MIB2: variants seen among roughly 807,000 people sequenced by gnomAD.
MIB2 encodes the protein MIB E3 ubiquitin protein ligase 2.
Under a neutral mutation model 96.6 loss-of-function variants are expected in MIB2, and 78 were observed. The observed-to-expected ratio is 0.81, with a 90% CI of 0.67 to 0.97. The LOEUF (loss-of-function observed/expected upper bound fraction) is 0.97. Ranked by LOEUF, MIB2 falls within the 50% of genes least tolerant of loss-of-function variation. The probability of loss-of-function intolerance (pLI) is 0.00; values close to 1 mark genes in which losing one functional copy is unlikely to be tolerated. For synonymous variants in MIB2, 820 were observed against 629.5 expected (o/e 1.30, Z -4.53); for missense variants, 1,543 against 1,424.0 (o/e 1.08, Z -1.35).
intron 2 of MIB2, chr1:1,618,118 GC>G (rs1385069656): frequency 1.6e-4 from 24 of 152,550 alleles, no homozygotes; most frequent in Admixed American, 1.6e-3. Context: ...TGTGGCTGTG[GC>G]TGTCTCTGGT....
intron 3 of MIB2, 26 bp from the exon 4 acceptor site, chr1:1,623,748 C>T: frequency 1.3e-6 from 2 of 1,549,762 alleles, no homozygotes; most frequent in Non-Finnish European, 1.7e-6. Flanking sequence ...GGCGGGAACG[C>T]CCCTCTGACC....
chr1:1,617,378 G>C (rs1434091069), intron 2 of MIB2: 2 of 152,260 alleles, frequency 1.3e-5, no homozygotes, highest in African/African-American at 4.8e-5. Flanking sequence ...CTTGCAATAA[G>C]GGAACTCTCT....
Position 1,628,144 on chromosome 1 carries a change from C to G in MIB2, c.1806C>G (p.Thr602=). The change falls in exon 14 of 20, where the codon ACC becomes ACG. Residue 602 remains threonine, a synonymous_variant. Coordinates refer to ENST00000355826, the MANE Select transcript of MIB2 (RefSeq NM_001170687.4). ...DVTATNSQGF[T]LLHHASLKGH... ...CCGCCACCAACAGCCAGGGTTTCAC[C>G]CTGCTGCACCATGCCTCCCTCAAGG... 1 of 1,613,424 alleles carries G rather than the reference C, an allele frequency of 6.2e-7. No individual in the cohort carries two copies. The highest frequency in any genetic ancestry group is 8.5e-7 in the Non-Finnish European group (1 of 1,180,010).
rs9793820 is a variant in MIB2, at chr1:1,622,513, C to T, written c.-22-918C>T. Among the ~76,000 whole-genome samples the T allele has an allele frequency of 8.9e-3, 1,351 of 152,310 alleles. 18 individuals carry two copies. Among genetic ancestry groups the T allele is most frequent in the African/African-American group, 0.031 (1,287 of 41,570 alleles). On this transcript the variant is annotated intron_variant, in intron 2 of 19. Transcript: ENST00000355826. Reference sequence around the variant, plus strand: ...TGGCTGACTCCATCCCTGCCTCCGGCAGCCTGGATTTGCACCTTTGTATAA... The same window carrying T: ...TGGCTGACTCCATCCCTGCCTCCGGTAGCCTGGATTTGCACCTTTGTATAA...
At chr1:1,630,252 C>T (rs1396912600) in intron 19 of MIB2, 40 bp from the exon 20 acceptor site, 5 of 984,696 alleles carry the variant, frequency 5.1e-6, no homozygotes, top group South Asian at 3.7e-5. Flanking sequence ...CGCATTCCCC[C>T]ACCCGGCCTC....
chr1:1,621,098 C>T (rs1351346907), intron 2 of MIB2, among the ~76,000 whole-genome samples: 1 of 152,270 alleles, frequency 6.6e-6, no homozygotes, highest in East Asian at 1.9e-4. Flanking sequence ...ATGTTTCATT[C>T]ATGCAGCCAT....
chr1:1,616,674 C>T (rs1047192921), intron 2 of MIB2, 60 bp downstream of exon 2: 1 of 1,335,868 alleles, frequency 7.5e-7, no homozygotes, highest in African/African-American at 1.5e-5. Flanking sequence ...CTTTGGGGCT[C>T]CGTGGAAGCC....
rs866436443 is a variant in MIB2, at chr1:1,627,618, G to C, written c.1524-55G>C. On this transcript the variant is annotated intron_variant, in intron 12 of 19. Transcript: ENST00000355826. ...GGTCGGGCCTGGCGGGGCTGAGCCT[G>C]TGCGTCCAGCCACCGGGCCCGGCGC... 1.9e-6 allele frequency: 3 copies of C among 1,546,182 alleles called. No homozygotes were observed. In the Admixed American group the frequency reaches 5.7e-5, roughly 30 times the overall value.
rs1040056420 is a variant in MIB2 at position 1,624,243 on chromosome 1, T to C, written c.419+298T>C. On this transcript the variant is annotated intron_variant, in intron 4 of 19. Transcript: ENST00000355826. ...TGGGCTGTCTTGGAGGCTGCTGCGCTCTGGTCCGAGGGCATCAGCTCGGGG... is the reference window on the plus strand; with the variant it reads ...TGGGCTGTCTTGGAGGCTGCTGCGCCCTGGTCCGAGGGCATCAGCTCGGGG... The C allele has an allele frequency of 2.9e-5, 14 of 484,892 alleles. No individual in the cohort carries two copies. The South Asian group carries it at 3.4e-4, about 12-fold the overall frequency. The allele number at this position is 484,892 out of a possible 1,614,324, so 30.0% of individuals were successfully genotyped here.
At chr1:1,615,440 C>CCCGTGGCGGGGGCGTGG (rs1553139655), upstream of MIB2, 13 of 1,503,936 alleles carry the variant, frequency 8.6e-6, no homozygotes, top group East Asian at 2.6e-5. Context: ...CCTGCCCATC[C>CCCGTGGCGGGGGCGTGG]CCGTGGCGGG....
intron 1 of MIB2, chr1:1,616,198 G>T (rs887602291): frequency 3.0e-5 from 23 of 765,312 alleles, no homozygotes; most frequent in South Asian, 5.9e-5. Context: ...CGCTCCGGGT[G>T]GGGGTGCCCG....
At chr1:1,615,015 CAAAAAAAAAAAAAG>C, upstream of MIB2, 1 of 146,700 alleles carries the variant, frequency 6.8e-6, no homozygotes, top group South Asian at 1.8e-4. Context: ...GCTCCGTCTC[CAAAAAAAAAAAAAG>C]AAAGAAAGAA....
chr1:1,624,754 C>T lies in MIB2; in HGVS notation c.420-41C>T, dbSNP rs532610546. 1.7e-4 allele frequency: 267 copies of T among 1,566,094 alleles called. No individual in the cohort carries two copies. In the Admixed American group the frequency reaches 3.5e-3, roughly 20 times the overall value. ...AGTGGCTCAAGATGGGAAGAGATGGCGGTTTTCTTCTGAGAGCTTTATTTG... is the reference window on the plus strand; with the variant it reads ...AGTGGCTCAAGATGGGAAGAGATGGTGGTTTTCTTCTGAGAGCTTTATTTG... On this transcript the variant is annotated intron_variant, in intron 4 of 19. Transcript: ENST00000355826.
intron 12 of MIB2, 103 bp from the exon 13 acceptor site, chr1:1,627,570 G>T (rs984360625): frequency 6.7e-7 from 1 of 1,481,618 alleles, no homozygotes; most frequent in Non-Finnish European, 8.9e-7. Context: ...GGGGCCCGGC[G>T]GGGCTGAGCC....
Position 1,626,039 on chromosome 1 carries a change from T to G in MIB2, c.972+386T>G, listed in dbSNP as rs1569804925. ...AGGGAGGTGGATGCTTGGCCTAGAG[T>G]GGTGGGGGAGGTAGTGAGGGCTGCC... is the stretch of plus-strand genomic sequence containing the variant. On this transcript the variant is annotated intron_variant, in intron 8 of 19. Coordinates refer to ENST00000355826, the MANE Select transcript of MIB2 (RefSeq NM_001170687.4). The surrounding 1 kb of genome is among the most constrained non-coding windows in gnomAD (Gnocchi z 5.3). 18 of 86,152 alleles carry G rather than the reference T, an allele frequency of 2.1e-4. No individual in the cohort carries two copies. The highest frequency in any genetic ancestry group is 3.7e-3 in the Middle Eastern group (1 of 268). 5.3% of individuals were successfully genotyped at this position (86,152 alleles called of 1,614,324 possible).
chr1:1,623,308 G>A (rs889999403), intron 2 of MIB2, 123 bp from the exon 3 acceptor site: 51 of 1,442,804 alleles, frequency 3.5e-5, no homozygotes, highest in Middle Eastern at 2.5e-4. Flanking sequence ...TGCCTGCCCC[G>A]TTGGGCCTCT....
At chr1:1,622,781 G>T (rs1028457713) in intron 2 of MIB2, among the ~76,000 whole-genome samples, 26 of 152,192 alleles carry the variant, frequency 1.7e-4, no homozygotes, top group African/African-American at 2.7e-4. Flanking sequence ...GTGTGGCCTC[G>T]CTGCACTGTC....
At chr1:1,622,271 C>T (rs1386695303) in intron 2 of MIB2, among the ~76,000 whole-genome samples, 4 of 152,384 alleles carry the variant, frequency 2.6e-5, no homozygotes, top group African/African-American at 2.4e-5. Flanking sequence ...CTCCCCTCCC[C>T]GCCAGGCTGG....
chr1:1,629,533 T>C lies in MIB2; in HGVS notation c.2530T>C (p.Phe844Leu). The C allele has an allele frequency of 2.6e-6, 4 of 1,544,190 alleles. No homozygotes were observed. Among genetic ancestry groups the C allele is most frequent in the Non-Finnish European group, 3.5e-6 (4 of 1,148,960 alleles). Reference sequence around the variant, plus strand: ...CTCCGAGCTGGCGCTGCTGGTGCTGTTCTCGCCGTGCCAGCACCGCACCGT... The same window carrying C: ...CTCCGAGCTGGCGCTGCTGGTGCTGCTCTCGCCGTGCCAGCACCGCACCGT... Reference protein sequence around the residue: ...VCSELALLVLFSPCQHRTVCE... With the variant: ...VCSELALLVLLSPCQHRTVCE... The change falls in exon 18 of 20, where the codon TTC becomes CTC. Residue 844 changes from phenylalanine to leucine, a missense_variant. Transcript: ENST00000355826.
Sources: allele counts gnomAD v4.1 joint callset (sites outside exome capture counted in the v4.1 genomes callset), GRCh38; gene constraint gnomAD v4.1.1; non-coding constraint Gnocchi (gnomAD v3.1); transcripts MANE v1.5; gene names NCBI Gene and HGNC (gene_info 2026-07-23, HGNC 2026-07-21).